COLQ: variants seen among roughly 807,000 people sequenced by gnomAD.
COLQ encodes acetylcholinesterase collagenic tail peptide.
Under a neutral mutation model 69.0 loss-of-function variants are expected in COLQ, and 48 were observed. That is an observed-to-expected ratio of 0.70 (90% confidence interval 0.55 to 0.88). COLQ has a LOEUF of 0.88. Among genes scored for constraint, COLQ ranks in the 40% least tolerant of loss-of-function variants. The probability of loss-of-function intolerance (pLI) is 0.00; values close to 1 mark genes in which losing one functional copy is unlikely to be tolerated. For synonymous variants in COLQ, 217 were observed against 211.2 expected (o/e 1.03, Z -0.24); for missense variants, 618 against 594.6 (o/e 1.04, Z -0.41).
intron 16 of COLQ, among the ~76,000 whole-genome samples, chr3:15,453,441 G>A (rs1396551965): frequency 6.6e-6 from 1 of 152,198 alleles, no homozygotes; most frequent in Non-Finnish European, 1.5e-5. Context: ...GTCGATTCTT[G>A]GAAATGCCCT....
chr3:15,461,156 G>A (rs2062105705), intron 12 of COLQ, among the ~76,000 whole-genome samples: 1 of 151,680 alleles, frequency 6.6e-6, no homozygotes, highest in East Asian at 1.9e-4. Flanking sequence ...TTTGATTATT[G>A]CAAATTACAT....
chr3:15,488,542 G>C lies in COLQ; in HGVS notation c.220-235C>G, dbSNP rs369270484. On this transcript the variant is annotated intron_variant, in intron 2 of 16. Coordinates refer to ENST00000383788, the MANE Select transcript of COLQ (RefSeq NM_005677.4). ...AGACACCTCGTAGCCACTTTGGATA[G>C]AGTTTGGAAGCTCATTTCAGGGGCC... Among the ~76,000 whole-genome samples the C allele has an allele frequency of 7.9e-5, 12 of 152,254 alleles. 1 individual carries two copies. Among genetic ancestry groups the C allele is most frequent in the African/African-American group, 2.4e-5 (1 of 41,542 alleles).
At chr3:15,463,692 G>C (rs1426080199) in intron 12 of COLQ, among the ~76,000 whole-genome samples, 1 of 152,082 alleles carries the variant, frequency 6.6e-6, no homozygotes, top group Non-Finnish European at 1.5e-5. Flanking sequence ...GGCCAAGAGA[G>C]TCCCTTCTGA....
chr3:15,495,076 G>A lies in COLQ; in HGVS notation c.107-5439C>T, dbSNP rs911447517. Reference sequence around the variant, plus strand: ...TGACAGAGCCAGGCAGTCTGGTTCCGGAGCCCTTCCTCTTGAGCTCTACAC... The same window carrying A: ...TGACAGAGCCAGGCAGTCTGGTTCCAGAGCCCTTCCTCTTGAGCTCTACAC... On this transcript the variant is annotated intron_variant, in intron 1 of 16. Coordinates refer to ENST00000383788, the MANE Select transcript of COLQ (RefSeq NM_005677.4). 2.6e-5 allele frequency among the ~76,000 whole-genome samples: 4 copies of A among 152,238 alleles called. No individual in the cohort carries two copies. In the East Asian group the frequency reaches 5.8e-4, roughly 22 times the overall value.
rs761995427 is a variant in COLQ at position 15,478,935 on chromosome 3, A to C, written c.393+42T>G. On this transcript the variant is annotated intron_variant, in intron 5 of 16. Coordinates refer to ENST00000383788, the MANE Select transcript of COLQ (RefSeq NM_005677.4). The stretch of plus-strand genomic sequence containing the variant: ...AGGAGTGCATGCACACACATGAAGC[A>C]CAGACGCTCATGTGACACTCACAGA... 3.7e-6 allele frequency: 6 copies of C among 1,613,298 alleles called. No individual in the cohort carries two copies. The African/African-American group carries it at 8.0e-5, about 22-fold the overall frequency.
At chr3:15,466,541 G>T in intron 11 of COLQ, 104 bp from the exon 12 acceptor site, 1 of 917,038 alleles carries the variant, frequency 1.1e-6, no homozygotes, top group Non-Finnish European at 1.8e-6. Context: ...AGGAGCAAGA[G>T]CCCAGTGGGG....
intron 11 of COLQ, chr3:15,467,916 A>G (rs983413373): frequency 4.4e-6 from 2 of 456,644 alleles, no homozygotes; most frequent in African/African-American, 4.0e-5. Flanking sequence ...AACTCTGAAT[A>G]TGGGATCCGT....
rs765412252 is a variant in COLQ, at chr3:15,488,354, G to A, written c.220-47C>T. On this transcript the variant is annotated intron_variant, in intron 2 of 16. Coordinates refer to ENST00000383788, the MANE Select transcript of COLQ (RefSeq NM_005677.4). Reference sequence around the variant, plus strand: ...AGTTAGAGGTCAGGCGTAGGGGACAGAGGAAGGGTCACCATCCTGGACACA... The same window carrying A: ...AGTTAGAGGTCAGGCGTAGGGGACAAAGGAAGGGTCACCATCCTGGACACA... 2.6e-6 allele frequency: 4 copies of A among 1,527,384 alleles called. No individual in the cohort carries two copies. In the Admixed American group the frequency reaches 5.1e-5, roughly 19 times the overall value. 94.6% of individuals were successfully genotyped at this position (1,527,384 alleles called of 1,614,324 possible).
At chr3:15,490,970 C>T (rs2062656613) in intron 1 of COLQ, among the ~76,000 whole-genome samples, 1 of 152,096 alleles carries the variant, frequency 6.6e-6, no homozygotes, top group Non-Finnish European at 1.5e-5. Context: ...GAATCTCCTC[C>T]CCGGCATCTC....
Position 15,494,005 on chromosome 3 carries a change from C to T in COLQ, c.107-4368G>A, listed in dbSNP as rs542322948. On this transcript the variant is annotated intron_variant, in intron 1 of 16. Coordinates refer to ENST00000383788, the MANE Select transcript of COLQ (RefSeq NM_005677.4). ...GGCTGAGGCAGGAGAATTGCTTGAACTTGGGAGGCAGAGGTTTCAGTGAGC... is the reference window on the plus strand; with the variant it reads ...GGCTGAGGCAGGAGAATTGCTTGAATTTGGGAGGCAGAGGTTTCAGTGAGC... Among the ~76,000 whole-genome samples the T allele has an allele frequency of 1.6e-4, 25 of 152,306 alleles. No homozygotes were observed. In the South Asian group the frequency reaches 4.6e-3, roughly 28 times the overall value.
At chr3:15,464,021 T>G (rs2062160607) in intron 12 of COLQ, among the ~76,000 whole-genome samples, 1 of 152,250 alleles carries the variant, frequency 6.6e-6, no homozygotes, top group Admixed American at 6.5e-5. Flanking sequence ...GAGTTTGTGC[T>G]TTCTTGCCCT....
chr3:15,485,768 G>A (rs886451099), intron 3 of COLQ, among the ~76,000 whole-genome samples: 1 of 152,160 alleles, frequency 6.6e-6, no homozygotes, highest in African/African-American at 2.4e-5. Context: ...GACCAACCTG[G>A]TCAATGTGTT....
intron 3 of COLQ, among the ~76,000 whole-genome samples, chr3:15,485,802 T>G (rs959467803): frequency 6.6e-6 from 1 of 152,120 alleles, no homozygotes; most frequent in African/African-American, 2.4e-5. Flanking sequence ...TACAAAATAT[T>G]AAGAAATTAG....
intron 4 of COLQ, 138 bp downstream of exon 4, chr3:15,479,200 A>G (rs2062434808): frequency 8.8e-7 from 1 of 1,137,798 alleles, no homozygotes; most frequent in Non-Finnish European, 1.3e-6. Flanking sequence ...CAGCCCAGCC[A>G]TCATGGAACC....
At chr3:15,471,825 T>G (rs1227986289) in intron 10 of COLQ, among the ~76,000 whole-genome samples, 1 of 152,206 alleles carries the variant, frequency 6.6e-6, no homozygotes, top group Non-Finnish European at 1.5e-5. Flanking sequence ...CCATACATCC[T>G]TCAACATTCT....
intron 1 of COLQ, among the ~76,000 whole-genome samples, chr3:15,519,237 G>A (rs1482780357): frequency 6.6e-6 from 1 of 152,152 alleles, no homozygotes; most frequent in Middle Eastern, 3.2e-3. Context: ...AAGTGCCTGT[G>A]GATGTGCGCA....
At chr3:15,515,281 C>G (rs1039751115) in intron 1 of COLQ, among the ~76,000 whole-genome samples, 23 of 152,162 alleles carry the variant, frequency 1.5e-4, no homozygotes, top group African/African-American at 5.1e-4. Context: ...ACTATTATAT[C>G]CATTCTTCAG....
chr3:15,475,009 GGAA>G, intron 7 of COLQ, 58 bp from the exon 8 acceptor site: 1 of 1,574,876 alleles, frequency 6.3e-7, no homozygotes, highest in Non-Finnish European at 8.7e-7. Flanking sequence ...TGAGTTTGGT[GGAA>G]GAATAGAAGG....
chr3:15,467,811 T>G (rs919876845), intron 11 of COLQ: 1 of 455,302 alleles, frequency 2.2e-6, no homozygotes, highest in South Asian at 1.6e-5. Flanking sequence ...GCAGGCAGGC[T>G]TGGGACTCCT....
Sources: allele counts gnomAD v4.1 joint callset (sites outside exome capture counted in the v4.1 genomes callset), GRCh38; gene constraint gnomAD v4.1.1; transcripts MANE v1.5; gene names NCBI Gene and HGNC (gene_info 2026-07-23, HGNC 2026-07-21).